The following CSNK1G3 variants were observed in gnomAD, a reference collection of about 807,000 sequenced individuals.
CSNK1G3 encodes the protein casein kinase 1 gamma 3, also known as casein kinase I isoform gamma-3.
CSNK1G3 carries 23 observed loss-of-function variants against 64.3 expected under a neutral mutation model. The observed-to-expected ratio is 0.36, with a 90% CI of 0.26 to 0.51. The LOEUF (loss-of-function observed/expected upper bound fraction) is 0.51. Ranked by LOEUF, CSNK1G3 falls within the 20% of genes least tolerant of loss-of-function variation. CSNK1G3 has a pLI of 0.96. For missense variants in CSNK1G3, 357 were observed against 510.5 expected (o/e 0.70, Z 2.90); for synonymous variants, 158 against 162.2 (o/e 0.97, Z 0.20).
At chr5:123,554,880 AC>A (rs1784345708) in intron 3 of CSNK1G3, among the ~76,000 whole-genome samples, 1 of 152,004 alleles carries the variant, frequency 6.6e-6, no homozygotes, top group South Asian at 2.1e-4. Context: ...CAAAGCAGAA[AC>A]CCCTGCTCTA....
chr5:123,553,654 A>G (rs1431444334), intron 3 of CSNK1G3, among the ~76,000 whole-genome samples: 5 of 152,226 alleles, frequency 3.3e-5, no homozygotes, highest in African/African-American at 1.2e-4. Flanking sequence ...GATAGATAAC[A>G]GGGAAAGCAA....
chr5:123,588,403 C>A (rs1019826166), intron 7 of CSNK1G3, 24 bp from the exon 8 acceptor site: 1 of 1,564,226 alleles, frequency 6.4e-7, no homozygotes, highest in Non-Finnish European at 8.8e-7. Context: ...ACCACATTCT[C>A]AAGATTTTTT....
At chr5:123,532,415 C>G (rs1780085488) in intron 1 of CSNK1G3, among the ~76,000 whole-genome samples, 2 of 151,690 alleles carry the variant, frequency 1.3e-5, no homozygotes, top group Admixed American at 1.3e-4. Context: ...GCTGATATTA[C>G]TTAAGTTTTT....
chr5:123,609,524 TAAGTA>T (rs967804210), intron 12 of CSNK1G3, among the ~76,000 whole-genome samples: 1 of 152,128 alleles, frequency 6.6e-6, no homozygotes, highest in Non-Finnish European at 1.5e-5. Flanking sequence ...ACTGTAAAGA[TAAGTA>T]AAGAATAATT....
intron 1 of CSNK1G3, among the ~76,000 whole-genome samples, chr5:123,516,088 G>T (rs1320434151): frequency 2.0e-5 from 3 of 151,874 alleles, no homozygotes; most frequent in Non-Finnish European, 4.4e-5. Context: ...TTTCTCAAGC[G>T]GTTGGCAATT....
At chr5:123,564,517 G>A (rs1178871330) in intron 4 of CSNK1G3, among the ~76,000 whole-genome samples, 1 of 152,044 alleles carries the variant, frequency 6.6e-6, no homozygotes, top group Non-Finnish European at 1.5e-5. Context: ...AGATTTGTAA[G>A]CTTGTAGCTT....
intron 1 of CSNK1G3, among the ~76,000 whole-genome samples, chr5:123,516,579 C>A (rs192365283): frequency 3.3e-5 from 5 of 152,150 alleles, no homozygotes; most frequent in Admixed American, 3.3e-4. Flanking sequence ...CCACTTCGTG[C>A]TTATCATCTT....
chr5:123,579,845 C>T (rs2150803818), intron 6 of CSNK1G3, among the ~76,000 whole-genome samples: 1 of 152,044 alleles, frequency 6.6e-6, no homozygotes, highest in South Asian at 2.1e-4. Context: ...TTTATAAACA[C>T]TCTGCTTCTC....
intron 2 of CSNK1G3, among the ~76,000 whole-genome samples, chr5:123,547,861 G>A (rs1457143861): frequency 2.0e-5 from 3 of 152,068 alleles, no homozygotes; most frequent in African/African-American, 7.2e-5. Flanking sequence ...AAAAGCCTCA[G>A]ATGGTTTCTT....
intron 1 of CSNK1G3, among the ~76,000 whole-genome samples, chr5:123,517,931 G>GA (rs529062252): frequency 0.3 from 31,658 of 106,424 alleles, 3,505 homozygotes; most frequent in Middle Eastern, 0.37. Flanking sequence ...TCCTCTTTAA[G>GA]AAAAAAAAAA....
intron 1 of CSNK1G3, among the ~76,000 whole-genome samples, chr5:123,524,879 G>T (rs1456689946): frequency 1.3e-5 from 2 of 152,076 alleles, no homozygotes. Context: ...ATAATGGGTG[G>T]GGGGGAGCAC....
At chr5:123,614,053 G>A (rs905803238) in intron 12 of CSNK1G3, among the ~76,000 whole-genome samples, 3 of 152,118 alleles carry the variant, frequency 2.0e-5, no homozygotes, top group South Asian at 4.1e-4. Flanking sequence ...GAAAGGGTGA[G>A]AATGCATAGA....
chr5:123,560,660 C>T lies in CSNK1G3; in HGVS notation c.289+3096C>T, dbSNP rs909689730. Among the ~76,000 whole-genome samples, 5 of 152,224 alleles carry T rather than the reference C, an allele frequency of 3.3e-5. No homozygotes were observed. In the South Asian group the frequency reaches 6.2e-4, roughly 19 times the overall value. ...CCCAGGAGGTCAAGGCTGCAATGAGCTTTGATCATGCCATTGTACTAAAAA... is the reference window on the plus strand; with the variant it reads ...CCCAGGAGGTCAAGGCTGCAATGAGTTTTGATCATGCCATTGTACTAAAAA... On this transcript the variant is annotated intron_variant, in intron 4 of 12. Transcript: ENST00000345990.
intron 11 of CSNK1G3, among the ~76,000 whole-genome samples, 167 bp from the exon 13 acceptor site, chr5:123,605,172 T>C (rs1179934231): frequency 2.0e-5 from 3 of 152,124 alleles, no homozygotes; most frequent in African/African-American, 7.2e-5. Flanking sequence ...TTTTATAAAA[T>C]GCATGTTTTA....
chr5:123,544,425 C>G (rs1782198466), intron 1 of CSNK1G3, among the ~76,000 whole-genome samples: 1 of 152,110 alleles, frequency 6.6e-6, no homozygotes, highest in South Asian at 2.1e-4. Flanking sequence ...AAAATACTGT[C>G]CGTTTCAACC....
At chr5:123,601,091 C>G (rs1392104322) in intron 10 of CSNK1G3, among the ~76,000 whole-genome samples, 1 of 152,018 alleles carries the variant, frequency 6.6e-6, no homozygotes, top group Non-Finnish European at 1.5e-5. Context: ...CTGATGTACA[C>G]TAGTATTTCA....
intron 12 of CSNK1G3, 124 bp downstream of exon 13, chr5:123,605,486 T>A (rs1349249033): frequency 5.7e-6 from 6 of 1,059,738 alleles, no homozygotes; most frequent in Middle Eastern, 4.2e-4. Flanking sequence ...TAAAAGTTAT[T>A]CAAAAGTATT....
At chr5:123,608,601 T>C (rs2151206230) in intron 12 of CSNK1G3, among the ~76,000 whole-genome samples, 1 of 152,330 alleles carries the variant, frequency 6.6e-6, no homozygotes, top group Admixed American at 6.5e-5. Context: ...TGTTTTGTAA[T>C]GTGATGATTA....
At chr5:123,604,901 C>G in intron 11 of CSNK1G3, 71 bp downstream of exon 12, 1 of 1,193,220 alleles carries the variant, frequency 8.4e-7, no homozygotes, top group South Asian at 1.4e-5. Flanking sequence ...TTTATAGTTA[C>G]ATACAATTAT....
Sources: allele counts gnomAD v4.1 joint callset (sites outside exome capture counted in the v4.1 genomes callset), GRCh38; gene constraint gnomAD v4.1.1; transcripts MANE v1.5; gene names NCBI Gene and HGNC (gene_info 2026-07-23, HGNC 2026-07-21).